XRCC6: variants seen among roughly 807,000 people sequenced by gnomAD.
XRCC6 encodes the protein X-ray repair cross complementing 6, also known as DNA repair protein Ku70.
In XRCC6, 5 loss-of-function variants were observed where a neutral mutation model predicts 65.7. The observed-to-expected ratio is 0.08, with a 90% CI of 0.04 to 0.16. XRCC6 has a LOEUF of 0.16. Ranked by LOEUF, XRCC6 falls within the 10% of genes least tolerant of loss-of-function variation. The probability of loss-of-function intolerance (pLI) is 1.00; values close to 1 mark genes in which losing one functional copy is unlikely to be tolerated. For synonymous variants in XRCC6, 270 were observed against 270.6 expected, an observed-to-expected ratio of 1.00 and a Z score of 0.02; for missense variants, 447 against 738.1, an observed-to-expected ratio of 0.61 and a Z score of 4.57.
intron 11 of XRCC6, among the ~76,000 whole-genome samples, chr22:41,660,613 C>G (rs571977265): frequency 2.7e-4 from 41 of 152,242 alleles, no homozygotes; most frequent in African/African-American, 9.4e-4. Flanking sequence ...TCTGCTGGCC[C>G]TGTCCTCCTT....
rs542124379 is a variant in XRCC6, at chr22:41,632,211, T to A, written c.196-3902T>A. 6.6e-5 allele frequency among the ~76,000 whole-genome samples: 10 copies of A among 152,342 alleles called. No individual in the cohort carries two copies. The South Asian group carries it at 2.1e-3, about 32-fold the overall frequency. On this transcript the variant is annotated intron_variant, in intron 3 of 12. Coordinates refer to ENST00000360079, the MANE Select transcript of XRCC6 (RefSeq NM_001469.5). ...GAGAGGGATTACTGTTTCTTTTGTG[T>A]ACTTCGTAGAGAAGAATTTTCACAG...
chr22:41,646,744 C>G, intron 6 of XRCC6, 152 bp from the exon 7 acceptor site: 1 of 630,418 alleles, frequency 1.6e-6, no homozygotes, highest in Non-Finnish European at 2.6e-6. Context: ...ATAGCAAATT[C>G]GATTGTATTA....
chr22:41,635,729 A>G (rs781184933), intron 3 of XRCC6, among the ~76,000 whole-genome samples: 5 of 151,316 alleles, frequency 3.3e-5, no homozygotes, highest in Non-Finnish European at 7.4e-5. Flanking sequence ...TTTGGTAGAG[A>G]TGGAGTCTCA....
chr22:41,663,363 C>A (rs1320156892), intron 12 of XRCC6, among the ~76,000 whole-genome samples: 1 of 152,094 alleles, frequency 6.6e-6, no homozygotes, highest in African/African-American at 2.4e-5. Context: ...AATGACTTAC[C>A]CAGAGTGAGC....
chr22:41,623,147 C>T (rs1021412556), intron 2 of XRCC6, among the ~76,000 whole-genome samples: 14 of 150,218 alleles, frequency 9.3e-5, no homozygotes, highest in Non-Finnish European at 1.9e-4. Context: ...GTGAGATCAT[C>T]GTAGCTCACT....
intron 10 of XRCC6, among the ~76,000 whole-genome samples, chr22:41,657,561 C>G (rs555838439): frequency 2.7e-5 from 4 of 149,502 alleles, no homozygotes; most frequent in Non-Finnish European, 5.9e-5. Context: ...TCTTGTCACC[C>G]AGGTTTGATT....
intron 3 of XRCC6, among the ~76,000 whole-genome samples, chr22:41,631,902 G>C (rs905814266): frequency 2.6e-5 from 4 of 152,168 alleles, no homozygotes; most frequent in South Asian, 2.1e-4. Flanking sequence ...GAGGCTGGCG[G>C]ATCACTCGCG....
At chr22:41,623,911 C>T (rs1240842422) in intron 2 of XRCC6, among the ~76,000 whole-genome samples, 4 of 151,938 alleles carry the variant, frequency 2.6e-5, no homozygotes, top group Non-Finnish European at 5.9e-5. Flanking sequence ...TTAGTAGAGG[C>T]AGTGTTTCAC....
rs140162874 is a variant in XRCC6, at chr22:41,636,615, A to G, written c.434A>G (p.Glu145Gly). 1.2e-6 allele frequency: 2 copies of G among 1,613,940 alleles called. No homozygotes were observed. Among genetic ancestry groups the G allele is most frequent in the Non-Finnish European group, 1.7e-6 (2 of 1,180,002 alleles). ...CACGGATCTGACTACTCACTCAGTG[A>G]AGTGCTGTGGGTCTGTGCCAACCTC... ...MGHGSDYSLS[E>G]VLWVCANLFS... Residue 145 changes from glutamate (E) to glycine (G), a missense_variant, in exon 5 of 13, where the codon GAA becomes GGA. Physicochemically the swap from Glu to Gly is moderately conservative, Grantham distance 98. Coordinates refer to ENST00000360079, the MANE Select transcript of XRCC6 (RefSeq NM_001469.5).
chr22:41,642,277 C>T (rs2067886715), intron 6 of XRCC6, among the ~76,000 whole-genome samples: 2 of 152,252 alleles, frequency 1.3e-5, no homozygotes, highest in Admixed American at 6.5e-5. Context: ...CAGGAACCTC[C>T]AACCATTTTA....
At chr22:41,647,297 G>T (rs2147100043) in intron 7 of XRCC6, among the ~76,000 whole-genome samples, 1 of 152,152 alleles carries the variant, frequency 6.6e-6, no homozygotes, top group South Asian at 2.1e-4. Flanking sequence ...TAAGAGACTG[G>T]ATCGACTGGG....
At chr22:41,632,315 A>C (rs1022189143) in intron 3 of XRCC6, among the ~76,000 whole-genome samples, 6 of 152,182 alleles carry the variant, frequency 3.9e-5, no homozygotes, top group African/African-American at 1.4e-4. Flanking sequence ...TTTGTGTACA[A>C]ATAGTTCTTG....
chr22:41,635,213 A>G (rs542877269), intron 3 of XRCC6, among the ~76,000 whole-genome samples: 2 of 152,338 alleles, frequency 1.3e-5, no homozygotes, highest in African/African-American at 4.8e-5. Flanking sequence ...TACAATGCCT[A>G]TGCATCACTT....
At chr22:41,634,854 C>T (rs113327760) in intron 3 of XRCC6, among the ~76,000 whole-genome samples, 4 of 152,156 alleles carry the variant, frequency 2.6e-5, no homozygotes, top group African/African-American at 9.6e-5. Flanking sequence ...AACTGATGAG[C>T]TCTTACAAGA....
chr22:41,645,329 A>T (rs929836884), intron 6 of XRCC6, among the ~76,000 whole-genome samples: 1 of 151,972 alleles, frequency 6.6e-6, no homozygotes, highest in East Asian at 1.9e-4. Context: ...ACAAAAAAAA[A>T]CAAACAAAAA....
intron 10 of XRCC6, among the ~76,000 whole-genome samples, chr22:41,657,617 T>C (rs2068057621): frequency 6.6e-6 from 1 of 151,574 alleles, no homozygotes; most frequent in Non-Finnish European, 1.5e-5. Context: ...CTCCCTGGGC[T>C]CAGGTGATTC....
At chr22:41,653,717 T>G in intron 9 of XRCC6, 27 bp downstream of exon 9, 1 of 1,607,520 alleles carries the variant, frequency 6.2e-7, no homozygotes, top group Non-Finnish European at 8.5e-7. Flanking sequence ...TTTCCAGGGC[T>G]TCTGAACCTT....
rs111780939 is a variant in XRCC6, at chr22:41,628,324, C to T, written c.195+94C>T. On this transcript the variant is annotated intron_variant, in intron 3 of 12. Coordinates refer to ENST00000360079, the MANE Select transcript of XRCC6 (RefSeq NM_001469.5). ...CTGTAATCTCAGGACATTGGGAGGCCGAGACGGGCAGATCACTTGAGCCTA... is the reference window on the plus strand; with the variant it reads ...CTGTAATCTCAGGACATTGGGAGGCTGAGACGGGCAGATCACTTGAGCCTA... 5.7e-4 allele frequency: 582 copies of T among 1,012,974 alleles called. 6 individuals carry two copies. The highest frequency in any genetic ancestry group is 5.2e-3 in the African/African-American group (320 of 61,192). 62.7% of individuals were successfully genotyped at this position (1,012,974 alleles called of 1,614,324 possible).
chr22:41,628,065 TAAAC>T, intron 2 of XRCC6, 49 bp from the exon 3 acceptor site: 2 of 1,285,568 alleles, frequency 1.6e-6, no homozygotes, highest in Non-Finnish European at 2.2e-6. Context: ...TCTTATATGG[TAAAC>T]AAATACGAAA....
Sources: allele counts gnomAD v4.1 joint callset (sites outside exome capture counted in the v4.1 genomes callset), GRCh38; gene constraint gnomAD v4.1.1; transcripts MANE v1.5; gene names NCBI Gene and HGNC (gene_info 2026-07-23, HGNC 2026-07-21).